The following PCNX2 variants were observed in gnomAD, a reference collection of about 807,000 sequenced individuals.
PCNX2 encodes pecanex 2, also known as pecanex-like protein 2.
In PCNX2, 168 loss-of-function variants were observed where a neutral mutation model predicts 223.8. The observed-to-expected ratio is 0.75, with a 90% CI of 0.66 to 0.85. The LOEUF is 0.85. PCNX2 is among the 40% of genes least tolerant of loss of function. The probability of loss-of-function intolerance (pLI) is 0.00; values close to 1 mark genes in which losing one functional copy is unlikely to be tolerated. For missense variants in PCNX2, 2,507 were observed against 2,675.5 expected, an observed-to-expected ratio of 0.94 and a Z score of 1.39; for synonymous variants, 1,006 against 1,052.6, an observed-to-expected ratio of 0.96 and a Z score of 0.86.
chr1:233,078,673 C>T (rs1463676934), intron 23 of PCNX2, among the ~76,000 whole-genome samples: 6 of 152,196 alleles, frequency 3.9e-5, no homozygotes, highest in Non-Finnish European at 7.3e-5. Context: ...AAGCAGCTGG[C>T]ACGTTCAACG....
intron 21 of PCNX2, among the ~76,000 whole-genome samples, chr1:233,127,397 A>T (rs1241479374): frequency 6.6e-6 from 1 of 150,426 alleles, no homozygotes; most frequent in African/African-American, 2.5e-5. Context: ...TGCGTAACTC[A>T]CTCCTCCCTG....
chr1:233,060,906 T>C (rs773387740), intron 23 of PCNX2, among the ~76,000 whole-genome samples: 1 of 152,208 alleles, frequency 6.6e-6, no homozygotes, highest in Non-Finnish European at 1.5e-5. Flanking sequence ...TTTATGTTAA[T>C]ACAAAATGCA....
In PCNX2 at chr1:233,177,686, G is replaced by A. The variant is rs903126091; in HGVS notation, c.3273+116C>T. The A allele has an allele frequency of 2.3e-5, 19 of 831,340 alleles. No individual in the cohort carries two copies. The East Asian group carries it at 4.6e-4, about 20-fold the overall frequency. 51.5% of individuals were successfully genotyped at this position (831,340 alleles called of 1,614,324 possible). On this transcript the variant is annotated intron_variant, in intron 17 of 33. Coordinates refer to ENST00000258229, the MANE Select transcript of PCNX2 (RefSeq NM_014801.4). ...CAGTGTGCCAGGTACCAAGCGAGGT[G>A]TATCTTTCTGTCCTAGTCCTTCTCA...
chr1:233,150,703 T>G (rs771442655), intron 19 of PCNX2, among the ~76,000 whole-genome samples: 21 of 151,958 alleles, frequency 1.4e-4, no homozygotes, highest in Admixed American at 6.6e-5. Flanking sequence ...TACAAAGTCT[T>G]ACTCCAATAT....
chr1:233,290,950 G>A lies in PCNX2; in HGVS notation c.153+4376C>T, dbSNP rs117881843. The A allele has an allele frequency of 2.0e-4, 197 of 985,418 alleles. 6 individuals are homozygous for A. The East Asian group carries it at 0.014, about 69-fold the overall frequency. The allele number at this position is 985,418 out of a possible 1,614,324, so 61.0% of individuals were successfully genotyped here. A position where few individuals can be genotyped will look rare whatever the true frequency, so the allele number is the denominator to read the frequency against. On this transcript the variant is annotated intron_variant, in intron 1 of 33. Transcript: ENST00000258229. ...TGCCCGGCATGGGGTCTTGAAGGATGTGAAAGTTCCAACCCATTCTTCCCA... is the reference window on the plus strand; with the variant it reads ...TGCCCGGCATGGGGTCTTGAAGGATATGAAAGTTCCAACCCATTCTTCCCA...
At chr1:233,009,878 C>T (rs1670404826) in intron 28 of PCNX2, among the ~76,000 whole-genome samples, 1 of 152,188 alleles carries the variant, frequency 6.6e-6, no homozygotes, top group Non-Finnish European at 1.5e-5. Context: ...ATACGCCAGG[C>T]CCAGGTGGGA....
In PCNX2 at chr1:233,295,464, C is replaced by G. The variant is rs1662028059; in HGVS notation, c.15G>C (p.Val5=). MVSQ[V]LQLLRQGVWA... ...ACACGCCCTGCCGGAGCAGCTGCAG[C>G]ACCTGGGACACCATGCCGGCTGCGC... Residue 5 remains valine, a synonymous_variant, in exon 1 of 34, where the codon GTG becomes GTC. Coordinates refer to ENST00000258229, the MANE Select transcript of PCNX2 (RefSeq NM_014801.4). The surrounding 1 kb of genome is among the most constrained non-coding windows in gnomAD (Gnocchi z 4.1). 1 of 1,549,030 alleles carries G rather than the reference C, an allele frequency of 6.5e-7. No individual in the cohort carries two copies. The highest frequency in any genetic ancestry group is 1.4e-5 in the African/African-American group (1 of 72,998).
chr1:233,142,032 A>G (rs957542996), intron 19 of PCNX2, among the ~76,000 whole-genome samples: 6 of 152,320 alleles, frequency 3.9e-5, no homozygotes, highest in African/African-American at 1.4e-4. Flanking sequence ...GAAGAGTGGG[A>G]GGAGAATAAA....
Position 233,001,768 on chromosome 1 carries a change from T to C in PCNX2, c.4953-87A>G. On this transcript the variant is annotated intron_variant, in intron 28 of 33. Transcript: ENST00000258229. This position sits in a 1 kb window ranked among gnomAD's most constrained non-coding sequence, Gnocchi z 4.2. Reference sequence around the variant, plus strand: ...TTTGAGTCTCCCATTTGTCTAAGAATTATCTTAACATTTAGGCTGATATAG... The same window carrying C: ...TTTGAGTCTCCCATTTGTCTAAGAACTATCTTAACATTTAGGCTGATATAG... 8.0e-7 allele frequency: 1 copy of C among 1,254,646 alleles called. No homozygotes were observed. Among genetic ancestry groups the C allele is most frequent in the Non-Finnish European group, 1.0e-6 (1 of 953,504 alleles). The allele number at this position is 1,254,646 out of a possible 1,614,324, so 77.7% of individuals were successfully genotyped here.
intron 28 of PCNX2, among the ~76,000 whole-genome samples, chr1:233,009,561 C>A (rs1471458191): frequency 6.6e-6 from 1 of 152,204 alleles, no homozygotes; most frequent in Non-Finnish European, 1.5e-5. Context: ...TGCTCGGAGG[C>A]TCCACATCAA....
intron 22 of PCNX2, among the ~76,000 whole-genome samples, chr1:233,091,755 AT>A (rs540148620): frequency 1.3e-3 from 175 of 134,446 alleles, no homozygotes; most frequent in African/African-American, 3.0e-3. Flanking sequence ...AAAAATCATG[AT>A]TTTTTTTTTT....
At chr1:233,322,010 C>A in the PCNX2 span, among the ~76,000 whole-genome samples, 1 of 152,106 alleles carries the variant, frequency 6.6e-6, no homozygotes, top group South Asian at 2.1e-4. Flanking sequence ...AGATAATAAG[C>A]GAAGCAGTAA....
At chr1:233,087,203 A>G in intron 23 of PCNX2, 2 of 985,434 alleles carry the variant, frequency 2.0e-6, no homozygotes, top group African/African-American at 1.7e-5. Context: ...TGCACAAACA[A>G]AAGTCAGCTT....
At chr1:233,003,185 C>T (rs1394848833) in intron 28 of PCNX2, among the ~76,000 whole-genome samples, 1 of 152,132 alleles carries the variant, frequency 6.6e-6, no homozygotes, top group African/African-American at 2.4e-5. Flanking sequence ...AGCTTCTGCA[C>T]AGCAAAAGAA....
chr1:233,174,078 AT>A (rs1309275239), intron 17 of PCNX2, among the ~76,000 whole-genome samples: 1 of 141,354 alleles, frequency 7.1e-6, no homozygotes, highest in African/African-American at 2.5e-5. Context: ...TATATAATAT[AT>A]AAAATTATAT....
chr1:232,984,715 G>C (rs989415248), intron 33 of PCNX2: 7 of 473,408 alleles, frequency 1.5e-5, no homozygotes, highest in Admixed American at 3.9e-5. Flanking sequence ...CTTTCTGGAT[G>C]ACTGCGCTGG....
Position 233,014,752 on chromosome 1 carries a change from T to C in PCNX2, c.4865A>G (p.Glu1622Gly). 6.2e-7 allele frequency: 1 copy of C among 1,613,984 alleles called. No individual in the cohort carries two copies. The highest frequency in any genetic ancestry group is 1.1e-5 in the South Asian group (1 of 91,082). The change falls in exon 28 of 34, where the codon GAG becomes GGG. Residue 1622 changes from glutamate (E) to glycine (G), a missense_variant. By Grantham distance (98) the Glu-to-Gly change is moderately conservative (BLOSUM62 -2). Transcript: ENST00000258229. ...QEPSTTLDSDEDSPLVTLSFA... is the reference protein window; with the variant it reads ...QEPSTTLDSDGDSPLVTLSFA... Reference sequence around the variant, plus strand: ...GGACAGAGTCACCAAGGGAGAGTCCTCGTCACTGTCCAGGGTCGTTGAAGG... The same window carrying C: ...GGACAGAGTCACCAAGGGAGAGTCCCCGTCACTGTCCAGGGTCGTTGAAGG...
chr1:233,170,141 T>G (rs1342839224), intron 17 of PCNX2, among the ~76,000 whole-genome samples: 1 of 152,220 alleles, frequency 6.6e-6, no homozygotes, highest in African/African-American at 2.4e-5. Context: ...TTGGTGCAAA[T>G]GTGCAAGATT....
the PCNX2 span, among the ~76,000 whole-genome samples, chr1:233,306,828 G>C: frequency 1.3e-5 from 2 of 152,178 alleles, no homozygotes; most frequent in Non-Finnish European, 2.9e-5. Flanking sequence ...GACACTCAGA[G>C]GGCTTCTGAA....
Sources: allele counts gnomAD v4.1 joint callset (sites outside exome capture counted in the v4.1 genomes callset), GRCh38; gene constraint gnomAD v4.1.1; non-coding constraint Gnocchi (gnomAD v3.1); transcripts MANE v1.5; gene names NCBI Gene and HGNC (gene_info 2026-07-23, HGNC 2026-07-21).